TAFA2: variants seen among roughly 807,000 people sequenced by gnomAD.
TAFA2 encodes the protein chemokine-like protein TAFA-2.
TAFA2 carries 7 observed loss-of-function variants against 18.8 expected under a neutral mutation model. The ratio of observed to expected loss-of-function variants is 0.37; its 90% CI spans 0.21 to 0.70. The LOEUF (loss-of-function observed/expected upper bound fraction) is 0.70. Ranked by LOEUF, TAFA2 falls within the 30% of genes least tolerant of loss-of-function variation. The pLI is 0.53. For missense variants in TAFA2, 122 were observed against 158.1 expected (o/e 0.77, Z 1.23); for synonymous variants, 60 against 54.2 (o/e 1.11, Z -0.47).
chr12:61,780,199 T>C (rs1011540269), intron 2 of TAFA2, among the ~76,000 whole-genome samples: 1 of 151,756 alleles, frequency 6.6e-6, no homozygotes, highest in Non-Finnish European at 1.5e-5. Context: ...GCAGGATAAA[T>C]GCCAACAGGT....
chr12:62,047,368 A>G (rs1881937593), intron 1 of TAFA2, among the ~76,000 whole-genome samples: 1 of 152,154 alleles, frequency 6.6e-6, no homozygotes, highest in Non-Finnish European at 1.5e-5. Context: ...AGCACAACTT[A>G]TGTCCCAGGA....
rs112563652 is a variant in TAFA2, at chr12:62,051,606, G to A, written c.-2+139653C>T. Among the ~76,000 whole-genome samples the A allele has an allele frequency of 2.4e-3, 357 of 151,822 alleles. 1 individual carries two copies. The highest frequency in any genetic ancestry group is 3.4e-3 in the Middle Eastern group (1 of 294). On this transcript the variant is annotated intron_variant, in intron 1 of 4. Coordinates refer to ENST00000416284, the MANE Select transcript of TAFA2 (RefSeq NM_178539.5). ...CAAACACTTCAATTCAATGTAATTCGTTTACTTAGTGCCCACAGTGAGCCA... is the reference window on the plus strand; with the variant it reads ...CAAACACTTCAATTCAATGTAATTCATTTACTTAGTGCCCACAGTGAGCCA...
chr12:61,931,279 T>C (rs1179558365), intron 1 of TAFA2, among the ~76,000 whole-genome samples: 1 of 152,332 alleles, frequency 6.6e-6, no homozygotes, highest in South Asian at 2.1e-4. Context: ...TTAAACCTCA[T>C]GCTGTATGCT....
At chr12:62,011,228 A>T (rs1235630134) in intron 1 of TAFA2, among the ~76,000 whole-genome samples, 1 of 152,154 alleles carries the variant, frequency 6.6e-6, no homozygotes, top group Non-Finnish European at 1.5e-5. Flanking sequence ...CCTGTCTGGG[A>T]AGTGTACCCA....
At chr12:62,233,283 G>A (rs1368315783) in intron 1 of TAFA2, among the ~76,000 whole-genome samples, 5 of 151,646 alleles carry the variant, frequency 3.3e-5, no homozygotes, top group African/African-American at 1.2e-4. Context: ...GTTTCACCAT[G>A]TTGGCCAGGC....
chr12:61,815,661 T>TAA (rs1338864157), intron 2 of TAFA2, among the ~76,000 whole-genome samples: 3 of 128,926 alleles, frequency 2.3e-5, no homozygotes, highest in Non-Finnish European at 3.3e-5. Flanking sequence ...AGACTCCGTC[T>TAA]AAAAAAAAAA....
Position 61,867,463 on chromosome 12 carries a change from A to C in TAFA2, c.-1-37T>G, listed in dbSNP as rs114325167. 8.1e-4 allele frequency: 1,017 copies of C among 1,262,548 alleles called. 7 individuals are homozygous for C. The African/African-American group carries it at 0.014, about 17-fold the overall frequency. 78.2% of individuals were successfully genotyped at this position (1,262,548 alleles called of 1,614,324 possible). ...AAAATAATAAAAATCATAAGTATGC[A>C]AATTCATAGCTTTTCCCTTATGATT... is the stretch of plus-strand genomic sequence containing the variant. On this transcript the variant is annotated intron_variant, in intron 1 of 4. Coordinates refer to ENST00000416284, the MANE Select transcript of TAFA2 (RefSeq NM_178539.5).
chr12:61,756,242 C>T (rs889273522), intron 2 of TAFA2, among the ~76,000 whole-genome samples: 1 of 152,052 alleles, frequency 6.6e-6, no homozygotes, highest in African/African-American at 2.4e-5. Context: ...ACAGCTTTGA[C>T]ATATAATCCT....
At chr12:61,789,361 G>T (rs910434358) in intron 2 of TAFA2, among the ~76,000 whole-genome samples, 2 of 151,826 alleles carry the variant, frequency 1.3e-5, no homozygotes, top group African/African-American at 4.8e-5. Flanking sequence ...TTCTGCACAT[G>T]GCTAGCCAGT....
At chr12:61,866,829 T>C (rs1874373821) in intron 2 of TAFA2, among the ~76,000 whole-genome samples, 1 of 152,192 alleles carries the variant, frequency 6.6e-6, no homozygotes, top group Non-Finnish European at 1.5e-5. Context: ...ACAGACACTT[T>C]CTTTACCAGG....
chr12:61,966,433 G>T (rs1592519138), intron 1 of TAFA2, among the ~76,000 whole-genome samples: 1 of 151,848 alleles, frequency 6.6e-6, no homozygotes, highest in Non-Finnish European at 1.5e-5. Flanking sequence ...TGAGGGAGGG[G>T]CCTTTATGGC....
intron 1 of TAFA2, among the ~76,000 whole-genome samples, chr12:61,939,627 T>C (rs886357279): frequency 1.3e-5 from 2 of 152,238 alleles, no homozygotes; most frequent in African/African-American, 2.4e-5. Flanking sequence ...CTACTTCATA[T>C]GCTTGTTTTG....
intron 1 of TAFA2, among the ~76,000 whole-genome samples, chr12:61,894,160 C>T (rs1472222202): frequency 6.6e-6 from 1 of 152,306 alleles, no homozygotes; most frequent in South Asian, 2.1e-4. Flanking sequence ...TATATGAACC[C>T]TTTATTTTTC....
At chr12:62,174,533 T>A (rs924782444) in intron 1 of TAFA2, among the ~76,000 whole-genome samples, 1 of 151,992 alleles carries the variant, frequency 6.6e-6, no homozygotes, top group Non-Finnish European at 1.5e-5. Flanking sequence ...GTCACCTACA[T>A]CAAATGTGAG....
intron 1 of TAFA2, among the ~76,000 whole-genome samples, chr12:61,967,736 AAG>A (rs1879116438): frequency 6.6e-6 from 1 of 151,868 alleles, no homozygotes; most frequent in African/African-American, 2.4e-5. Flanking sequence ...AGGACTGAAA[AAG>A]GAAATCAGAA....
At chr12:62,250,714 A>T (rs1231244624) in intron 1 of TAFA2, among the ~76,000 whole-genome samples, 1 of 152,120 alleles carries the variant, frequency 6.6e-6, no homozygotes, top group Non-Finnish European at 1.5e-5. Context: ...TTCATGCTTT[A>T]TCTTTCTGGC....
At chr12:61,710,971 G>A (rs968696253) in intron 4 of TAFA2, among the ~76,000 whole-genome samples, 2 of 151,708 alleles carry the variant, frequency 1.3e-5, no homozygotes, top group Non-Finnish European at 2.9e-5. Flanking sequence ...TGTTTATGGG[G>A]GACAAAAATA....
intron 1 of TAFA2, among the ~76,000 whole-genome samples, chr12:62,023,008 T>C (rs9669481): frequency 0.35 from 53,080 of 152,040 alleles, 9,658 homozygotes; most frequent in Non-Finnish European, 0.39. Context: ...ATTAAAATAT[T>C]TACCTACTAA....
intron 1 of TAFA2, among the ~76,000 whole-genome samples, chr12:62,025,009 A>G (rs1167204230): frequency 6.6e-6 from 1 of 152,176 alleles, no homozygotes; most frequent in Non-Finnish European, 1.5e-5. Context: ...ACTGGTGGGT[A>G]TGTAAATTAA....
Sources: gnomAD v4.1 joint callset for allele counts (sites outside exome capture counted in the v4.1 genomes callset) on GRCh38, gnomAD v4.1.1 for gene constraint, MANE v1.5 for transcripts, NCBI Gene and HGNC (gene_info 2026-07-23, HGNC 2026-07-21) for gene names.